VAV2: variants seen among roughly 807,000 people sequenced by gnomAD.
The protein encoded by VAV2 is vav guanine nucleotide exchange factor 2.
In VAV2, 67 loss-of-function variants were observed where a neutral mutation model predicts 132.5. The observed-to-expected ratio is 0.51, with a 90% CI of 0.42 to 0.62. The LOEUF is 0.62. Ranked by LOEUF, VAV2 falls within the 20% of genes least tolerant of loss-of-function variation. The pLI, the probability that VAV2 is intolerant of heterozygous loss-of-function variation, is 0.00. For missense variants in VAV2, 938 were observed against 1,153.6 expected (o/e 0.81, Z 2.71); for synonymous variants, 492 against 443.5 (o/e 1.11, Z -1.37).
In VAV2 at chr9:133,828,220, A is replaced by G. The variant is rs75895719; in HGVS notation, c.449+6052T>C. Among the ~76,000 whole-genome samples the G allele has an allele frequency of 0.041, 148 of 3,622 alleles. 39 individuals carry two copies. In the East Asian group the frequency reaches 0.68, roughly 17 times the overall value. The allele number at this position is 3,622 out of a possible 152,430, so 2.4% of individuals were successfully genotyped here. ...AGGCTGACCACTGAGTGGGGGCATC[A>G]CCACCTACCGCTGCGCCCACTGGGG... On this transcript the variant is annotated intron_variant, in intron 4 of 29. Transcript: ENST00000371850.
intron 3 of VAV2, 76 bp downstream of exon 3, chr9:133,861,298 G>A: frequency 2.0e-6 from 3 of 1,486,070 alleles, no homozygotes; most frequent in Non-Finnish European, 9.1e-7. Flanking sequence ...TCCAACCCCA[G>A]TATCTGTGAC....
rs2131874362 is a variant in VAV2, at chr9:133,863,327, G to A, written c.322-1895C>T. On this transcript the variant is annotated intron_variant, in intron 2 of 29. Transcript: ENST00000371850. This position sits in a 1 kb window ranked among gnomAD's most constrained non-coding sequence, Gnocchi z 5.0. ...GCGCAGGCCCAGAGCCCTCCTCCGT[G>A]GAGTCTAAGGAGGCACCAGCATTCG... Among the ~76,000 whole-genome samples, 1 of 152,338 alleles carries A rather than the reference G, an allele frequency of 6.6e-6. No homozygotes were observed. The highest frequency in any genetic ancestry group is 1.9e-4 in the East Asian group (1 of 5,174).
At chr9:133,786,343 A>T (rs1269003013) in intron 16 of VAV2, among the ~76,000 whole-genome samples, 3 of 151,952 alleles carry the variant, frequency 2.0e-5, no homozygotes, top group African/African-American at 7.3e-5. Flanking sequence ...ATGCTGTGTG[A>T]GCTCTCCTGT....
intron 6 of VAV2, 21 bp from the exon 7 acceptor site, chr9:133,809,159 T>A: frequency 6.2e-7 from 1 of 1,606,038 alleles, no homozygotes; most frequent in Non-Finnish European, 8.5e-7. Flanking sequence ...GAAGGGGGAG[T>A]CAGCAGGACC....
chr9:133,919,207 T>C lies in VAV2; in HGVS notation c.321+19896A>G, dbSNP rs545626021. Among the ~76,000 whole-genome samples the C allele has an allele frequency of 6.6e-6, 1 of 152,308 alleles. No individual in the cohort carries two copies. The highest frequency in any genetic ancestry group is 6.5e-5 in the Admixed American group (1 of 15,308). On this transcript the variant is annotated intron_variant, in intron 2 of 29. Coordinates refer to ENST00000371850, the MANE Select transcript of VAV2 (RefSeq NM_001134398.2). The surrounding 1 kb of genome is among the most constrained non-coding windows in gnomAD (Gnocchi z 5.8). ...CCCCTCACTGCTGTGCCCTGGCACC[T>C]CTGACACTCCCCAACCACTGAAAGG...
intron 27 of VAV2, 33 bp downstream of exon 27, chr9:133,770,345 A>G: frequency 1.2e-6 from 2 of 1,612,934 alleles, no homozygotes. Flanking sequence ...CCCTCCGAGG[A>G]GTGCTGGTGT....
Position 133,812,182 on chromosome 9 carries a change from C to T in VAV2, c.484G>A (p.Val162Ile), listed in dbSNP as rs144953516. 4.9e-4 allele frequency: 791 copies of T among 1,613,872 alleles called. 4 individuals carry two copies. The highest frequency in any genetic ancestry group is 1.6e-4 in the Middle Eastern group (1 of 6,084). The change falls in exon 5 of 30, where the codon GTC (valine) becomes ATC (isoleucine). Residue 162 changes from valine to isoleucine, a missense_variant. Physicochemically the swap from Val to Ile is conservative, Grantham distance 29. Coordinates refer to ENST00000371850, the MANE Select transcript of VAV2 (RefSeq NM_001134398.2). Reference sequence around the variant, plus strand: ...TCGTCCCCTCCATCCTCACACGGGACGCAGTCGTAGATGTCCTCCCCCAGG... The same window carrying T: ...TCGTCCCCTCCATCCTCACACGGGATGCAGTCGTAGATGTCCTCCCCCAGG... Reference protein sequence around the residue: ...HDLGEDIYDCVPCEDGGDDIY... With the variant: ...HDLGEDIYDCIPCEDGGDDIY...
chr9:133,774,272 C>T (rs7026403), intron 25 of VAV2, among the ~76,000 whole-genome samples: 26,740 of 152,024 alleles, frequency 0.18, 3,663 homozygotes, highest in African/African-American at 0.39. Flanking sequence ...TGAGTGTGTG[C>T]GCCCTACCCC....
intron 1 of VAV2, among the ~76,000 whole-genome samples, chr9:133,974,012 G>A (rs1842427304): frequency 1.3e-5 from 2 of 152,168 alleles, no homozygotes; most frequent in African/African-American, 2.4e-5. Context: ...GGGGTGTTGT[G>A]AACCTGTTCC....
Position 133,805,053 on chromosome 9 carries a change from G to A in VAV2, c.836+1028C>T, listed in dbSNP as rs544735681. On this transcript the variant is annotated intron_variant, in intron 9 of 29. Transcript: ENST00000371850. ...GCACCTGCAGGGCTTCCCAGGCAACGTGCCTGAGAATCCAGCCCTGGGCCT... is the reference window on the plus strand; with the variant it reads ...GCACCTGCAGGGCTTCCCAGGCAACATGCCTGAGAATCCAGCCCTGGGCCT... 3.3e-5 allele frequency among the ~76,000 whole-genome samples: 5 copies of A among 152,246 alleles called. No homozygotes were observed. The South Asian group carries it at 8.3e-4, about 25-fold the overall frequency.
At chr9:133,820,486 G>A (rs528020146) in intron 4 of VAV2, among the ~76,000 whole-genome samples, 3 of 152,046 alleles carry the variant, frequency 2.0e-5, no homozygotes, top group Admixed American at 2.0e-4. Flanking sequence ...ACCACGCCCG[G>A]CTAATTTTTT....
At chr9:133,861,134 AAG>A (rs1837576844) in intron 3 of VAV2, 1 of 465,900 alleles carries the variant, frequency 2.1e-6, no homozygotes, top group East Asian at 3.4e-5. Flanking sequence ...CCTAAATCGA[AAG>A]AGATTTTGCA....
chr9:133,894,790 C>CT (rs1029610931), intron 2 of VAV2, among the ~76,000 whole-genome samples: 1 of 152,192 alleles, frequency 6.6e-6, no homozygotes, highest in African/African-American at 2.4e-5. Context: ...GAAGTCCAGA[C>CT]TTGGGGCCCC....
chr9:133,939,054 A>G (rs1245914466), intron 2 of VAV2, 49 bp downstream of exon 2: 13 of 1,566,466 alleles, frequency 8.3e-6, no homozygotes, highest in Non-Finnish European at 8.8e-6. Flanking sequence ...GAGCCGGCAA[A>G]TCGGCCACCA....
In VAV2 at chr9:133,802,610, C is replaced by T. The variant is rs79631819; in HGVS notation, c.836+3471G>A. On this transcript the variant is annotated intron_variant, in intron 9 of 29. Coordinates refer to ENST00000371850, the MANE Select transcript of VAV2 (RefSeq NM_001134398.2). This position sits in a 1 kb window ranked among gnomAD's most constrained non-coding sequence, Gnocchi z 5.8. ...TCCCTTGCTCGTGAGTTGACAGACC[C>T]GTGGCCCGAGCTCCGTGGGTATTTG... 0.029 allele frequency among the ~76,000 whole-genome samples: 4,380 copies of T among 152,272 alleles called. 199 individuals are homozygous for T. The highest frequency in any genetic ancestry group is 0.1 in the African/African-American group (4,181 of 41,520).
chr9:133,967,662 T>C (rs1276284632), intron 1 of VAV2, among the ~76,000 whole-genome samples: 1 of 152,186 alleles, frequency 6.6e-6, no homozygotes, highest in East Asian at 1.9e-4. Context: ...CCGGGTGCAG[T>C]GGCTCACACC....
At chr9:133,843,380 A>AT (rs200327773) in intron 3 of VAV2, among the ~76,000 whole-genome samples, 39 of 151,966 alleles carry the variant, frequency 2.6e-4, no homozygotes, top group East Asian at 9.7e-4. Flanking sequence ...TTTTTTTGGT[A>AT]TTTTTTTGTA....
intron 3 of VAV2, among the ~76,000 whole-genome samples, chr9:133,849,862 G>T (rs891481614): frequency 6.6e-6 from 1 of 152,144 alleles, no homozygotes; most frequent in Non-Finnish European, 1.5e-5. Flanking sequence ...GCCCAACCAG[G>T]TAATTCAGGA....
intron 2 of VAV2, among the ~76,000 whole-genome samples, chr9:133,903,606 G>A (rs1588343842): frequency 6.6e-6 from 1 of 152,318 alleles, no homozygotes; most frequent in Admixed American, 6.5e-5. Context: ...CATGGCCTCA[G>A]CCAGCCTCGG....
Sources: gnomAD v4.1 joint callset for allele counts (sites outside exome capture counted in the v4.1 genomes callset) on GRCh38, gnomAD v4.1.1 for gene constraint, Gnocchi (gnomAD v3.1) non-coding constraint, MANE v1.5 for transcripts, NCBI Gene and HGNC (gene_info 2026-07-23, HGNC 2026-07-21) for gene names.